KDM4B: variants seen among roughly 807,000 people sequenced by gnomAD.
KDM4B encodes lysine demethylase 4B, also known as lysine-specific demethylase 4B.
A neutral mutation model predicts 125.2 loss-of-function variants in KDM4B; 32 were observed. The observed-to-expected ratio is 0.26, with a 90% CI of 0.19 to 0.34. KDM4B has a LOEUF of 0.34. Among genes scored for constraint, KDM4B ranks in the 10% least tolerant of loss-of-function variants. KDM4B has a pLI of 1.00. For synonymous variants in KDM4B, 721 were observed against 677.9 expected (o/e 1.06, Z -0.99); for missense variants, 1,190 against 1,577.7 (o/e 0.75, Z 4.16).
At chr19:5,041,519 C>T (rs1043088940) in intron 5 of KDM4B, among the ~76,000 whole-genome samples, 10 of 152,330 alleles carry the variant, frequency 6.6e-5, no homozygotes, top group Non-Finnish European at 1.3e-4. Context: ...GCAGCCGGCC[C>T]ACAGCGTGTT....
rs999517361 is a variant in KDM4B, at chr19:5,064,650, C to T, written c.627-6360C>T. On this transcript the variant is annotated intron_variant, in intron 6 of 22. Transcript: ENST00000159111. ...GTCCCGTTGCCTGGTTCAGAGCCAT[C>T]CACAGGGACCAAGCAAGATGGTGCC... Among the ~76,000 whole-genome samples, 12 of 152,324 alleles carry T rather than the reference C, an allele frequency of 7.9e-5. No individual in the cohort carries two copies. The East Asian group carries it at 2.1e-3, about 27-fold the overall frequency.
At chr19:5,116,646 A>G (rs556898191) in intron 10 of KDM4B, among the ~76,000 whole-genome samples, 1 of 152,316 alleles carries the variant, frequency 6.6e-6, no homozygotes, top group South Asian at 2.1e-4. Flanking sequence ...AGACCACAGC[A>G]GGAGTTTAAG....
chr19:5,068,264 T>C (rs1335447302), intron 6 of KDM4B, among the ~76,000 whole-genome samples: 2 of 152,146 alleles, frequency 1.3e-5, no homozygotes, highest in African/African-American at 4.8e-5. Flanking sequence ...CTGAGTCTCT[T>C]GTCCTGTGGT....
intron 1 of KDM4B, among the ~76,000 whole-genome samples, chr19:4,987,992 A>G (rs2034899006): frequency 6.6e-6 from 1 of 152,222 alleles, no homozygotes; most frequent in Non-Finnish European, 1.5e-5. Context: ...CTTCCTGCAC[A>G]GCGATGTGGT....
chr19:5,103,690 G>A (rs2038981430), intron 9 of KDM4B, among the ~76,000 whole-genome samples: 1 of 152,196 alleles, frequency 6.6e-6, no homozygotes, highest in Non-Finnish European at 1.5e-5. Context: ...CTCCACCCCA[G>A]GTTTTTCTTA....
intron 11 of KDM4B, among the ~76,000 whole-genome samples, chr19:5,120,068 T>TA (rs1220345834): frequency 1.3e-5 from 2 of 152,168 alleles, no homozygotes; most frequent in East Asian, 3.9e-4. Flanking sequence ...GAAGAGCAGT[T>TA]ACGAGAGGCC....
At chr19:4,982,452 CAA>C (rs773410154) in intron 1 of KDM4B, among the ~76,000 whole-genome samples, 560 of 53,580 alleles carry the variant, frequency 0.01, 2 homozygotes, top group African/African-American at 0.031. Context: ...GACTCCGTCT[CAA>C]AAAAAAAAAA....
intron 11 of KDM4B, among the ~76,000 whole-genome samples, chr19:5,122,775 A>G (rs1349198001): frequency 3.3e-5 from 5 of 152,210 alleles, no homozygotes; most frequent in African/African-American, 1.2e-4. Context: ...CCCTTAGGCT[A>G]ATGAGCCCAG....
intron 10 of KDM4B, chr19:5,112,525 C>T (rs1259218498): frequency 6.6e-6 from 1 of 152,266 alleles, no homozygotes; most frequent in African/African-American, 2.4e-5. Context: ...GCCTTGGCCC[C>T]CCACCACGCT....
chr19:5,115,172 GAC>G lies in KDM4B; in HGVS notation c.1115+4358_1115+4359del, dbSNP rs2039230920. Among the ~76,000 whole-genome samples the G allele has an allele frequency of 6.6e-6, 1 of 152,194 alleles. No individual in the cohort carries two copies. The highest frequency in any genetic ancestry group is 2.4e-5 in the African/African-American group (1 of 41,436). The stretch of plus-strand genomic sequence containing the variant: ...GGGCTGCACCATGGGGCCACAGAAA[GAC>G]ACAGTGGGCAGACATGGGCAGCTCC... On this transcript the variant is annotated intron_variant, in intron 10 of 22. Coordinates refer to ENST00000159111, the MANE Select transcript of KDM4B (RefSeq NM_015015.3). This position sits in a 1 kb window ranked among gnomAD's most constrained non-coding sequence, Gnocchi z 4.2.
intron 11 of KDM4B, among the ~76,000 whole-genome samples, chr19:5,127,551 G>A (rs1210252730): frequency 6.6e-6 from 1 of 152,214 alleles, no homozygotes; most frequent in East Asian, 1.9e-4. Flanking sequence ...GTCATTCACT[G>A]CTGTCTCCAG....
rs538866192 is a variant in KDM4B, at chr19:5,099,908, G to T, written c.919-10714G>T. On this transcript the variant is annotated intron_variant, in intron 9 of 22. Coordinates refer to ENST00000159111, the MANE Select transcript of KDM4B (RefSeq NM_015015.3). ...GAGAAATAAGGAAAGGGCAGAATTT[G>T]AAAATGAAACCAAAAACTCCACAGG... 2.0e-5 allele frequency among the ~76,000 whole-genome samples: 3 copies of T among 152,340 alleles called. No homozygotes were observed. In the South Asian group the frequency reaches 6.2e-4, roughly 32 times the overall value.
intron 1 of KDM4B, among the ~76,000 whole-genome samples, chr19:4,987,738 T>TA (rs1380361447): frequency 6.6e-6 from 1 of 152,162 alleles, no homozygotes; most frequent in Non-Finnish European, 1.5e-5. Context: ...ATATGTGTTT[T>TA]AAAGACCTCT....
At chr19:5,107,116 C>T (rs539430326) in intron 9 of KDM4B, among the ~76,000 whole-genome samples, 62 of 152,358 alleles carry the variant, frequency 4.1e-4, no homozygotes, top group African/African-American at 1.5e-3. Context: ...GAGGGGGCAC[C>T]GCCACCCTGC....
chr19:5,103,652 G>T (rs1339643666), intron 9 of KDM4B, among the ~76,000 whole-genome samples: 1 of 152,234 alleles, frequency 6.6e-6, no homozygotes, highest in African/African-American at 2.4e-5. Flanking sequence ...AGCTGCAGCA[G>T]CTGGTCGAGC....
chr19:5,149,524 C>T (rs1033992204), intron 21 of KDM4B, among the ~76,000 whole-genome samples: 1 of 152,218 alleles, frequency 6.6e-6, no homozygotes, highest in African/African-American at 2.4e-5. Flanking sequence ...AACCTTCTCC[C>T]CCTGGAGCAG....
intron 5 of KDM4B, among the ~76,000 whole-genome samples, chr19:5,046,602 A>G (rs1207980355): frequency 6.6e-6 from 1 of 152,098 alleles, no homozygotes; most frequent in African/African-American, 2.4e-5. Flanking sequence ...GCAGTGACTA[A>G]TGTGTATTTT....
chr19:5,016,631 C>A (rs1247680801), intron 2 of KDM4B, among the ~76,000 whole-genome samples: 2 of 152,242 alleles, frequency 1.3e-5, no homozygotes, highest in Non-Finnish European at 2.9e-5. Context: ...GCTCCTCCTG[C>A]ATTTCGGGTG....
At chr19:5,055,387 C>A (rs1029250563) in intron 6 of KDM4B, among the ~76,000 whole-genome samples, 1 of 152,232 alleles carries the variant, frequency 6.6e-6, no homozygotes, top group Non-Finnish European at 1.5e-5. Context: ...ATTTTCATAT[C>A]GCCTTTTGCT....
Sources: allele counts gnomAD v4.1 joint callset (sites outside exome capture counted in the v4.1 genomes callset), GRCh38; gene constraint gnomAD v4.1.1; non-coding constraint Gnocchi (gnomAD v3.1); transcripts MANE v1.5; gene names NCBI Gene and HGNC (gene_info 2026-07-23, HGNC 2026-07-21).